The following MSN variants were observed in gnomAD, a reference collection of about 807,000 sequenced individuals.
MSN encodes the protein moesin.
MSN carries 2 observed loss-of-function variants against 48.0 expected under a neutral mutation model. The ratio of observed to expected loss-of-function variants is 0.04; its 90% CI spans 0.02 to 0.13. The LOEUF (loss-of-function observed/expected upper bound fraction) is 0.13. MSN is among the 10% of genes least tolerant of loss of function. The pLI is 1.00. For missense variants in MSN, 267 were observed against 470.1 expected, an observed-to-expected ratio of 0.57 and a Z score of 3.99; for synonymous variants, 146 against 166.9, an observed-to-expected ratio of 0.87 and a Z score of 0.97.
At chrX:65,629,394 C>G (rs1437313394) in intron 1 of MSN, among the ~76,000 whole-genome samples, 1 of 112,129 alleles carries the variant, frequency 8.9e-6, no homozygotes, top group Non-Finnish European at 1.9e-5. Flanking sequence ...ATTTTCCTGT[C>G]TTCTTCTGAG....
chrX:65,636,776 C>CAAAAAAAAAAAA (rs2070604946), intron 1 of MSN, among the ~76,000 whole-genome samples: 8 of 82,891 alleles, frequency 9.7e-5, no homozygotes, highest in African/African-American at 3.6e-4. Flanking sequence ...AAAAAAAAAC[C>CAAAAAAAAAAAA]AGAAAGAAAG....
intron 1 of MSN, among the ~76,000 whole-genome samples, chrX:65,676,837 T>G (rs1266404182): frequency 9.0e-6 from 1 of 110,629 alleles, no homozygotes; most frequent in Non-Finnish European, 1.9e-5. Context: ...CTTTTCTTTT[T>G]TTTTTGAGAC....
intron 1 of MSN, among the ~76,000 whole-genome samples, chrX:65,653,843 G>A (rs1183302733): frequency 1.9e-5 from 2 of 106,996 alleles, no homozygotes; most frequent in Admixed American, 1.0e-4. Context: ...GCGCGACCTC[G>A]GCTGACTGCA....
chrX:65,604,472 G>A (rs1446523435), intron 1 of MSN, among the ~76,000 whole-genome samples: 3 of 112,095 alleles, frequency 2.7e-5, no homozygotes, highest in Non-Finnish European at 3.8e-5. Context: ...ATAGAGGTTA[G>A]GAAACACTAT....
At chrX:65,680,819 G>T (rs755117941) in intron 1 of MSN, among the ~76,000 whole-genome samples, 18 of 111,271 alleles carry the variant, frequency 1.6e-4, no homozygotes, top group Non-Finnish European at 3.4e-4. Flanking sequence ...TCCAATCTTG[G>T]CTCACTGCAA....
chrX:65,640,165 T>TA (rs2070637805), intron 1 of MSN, among the ~76,000 whole-genome samples: 1 of 111,974 alleles, frequency 8.9e-6, no homozygotes, highest in African/African-American at 3.2e-5. Flanking sequence ...TTAAACTTGA[T>TA]ACACTTTCCA....
intron 1 of MSN, among the ~76,000 whole-genome samples, chrX:65,604,633 C>T (rs747585698): frequency 2.7e-5 from 3 of 111,987 alleles, no homozygotes; most frequent in South Asian, 3.7e-4. Context: ...CAAATCTGCT[C>T]TTCTCTAGTG....
chrX:65,699,686 T>C (rs1050917382), intron 1 of MSN, among the ~76,000 whole-genome samples: 1 of 104,313 alleles, frequency 9.6e-6, no homozygotes, highest in African/African-American at 3.6e-5. Flanking sequence ...GAGGCGGAGC[T>C]TGCAGTGAGC....
At chrX:65,681,364 C>T (rs775455890) in intron 1 of MSN, among the ~76,000 whole-genome samples, 1 of 111,875 alleles carries the variant, frequency 8.9e-6, no homozygotes, top group Non-Finnish European at 1.9e-5. Context: ...AAGAAGGGGC[C>T]ATTCTCCAGG....
chrX:65,720,511 G>T (rs2071506460), intron 2 of MSN, among the ~76,000 whole-genome samples: 1 of 112,332 alleles, frequency 8.9e-6, no homozygotes, highest in Non-Finnish European at 1.9e-5. Flanking sequence ...GCCAAGGCAG[G>T]TCAGGTCAGG....
Position 65,644,712 on chromosome X carries a change from G to A in MSN, c.-22+56100G>A, listed in dbSNP as rs761094198. On this transcript the variant is annotated intron_variant, in intron 1 of 3. Coordinates refer to the MSN transcript ENST00000609672. ...AAGTAATAGTTCTCCTGGTAAGTGG[G>A]GGAAGCCATTAGGGGAATGACATTC... 6.3e-5 allele frequency among the ~76,000 whole-genome samples: 7 copies of A among 111,453 alleles called. No individual in the cohort carries two copies. In the East Asian group the frequency reaches 2.0e-3, roughly 32 times the overall value.
chrX:65,617,919 T>G (rs1166165827), intron 1 of MSN, among the ~76,000 whole-genome samples: 1 of 109,355 alleles, frequency 9.1e-6, no homozygotes, highest in Non-Finnish European at 1.9e-5. Flanking sequence ...TTTGTTCTCG[T>G]TGGTTTCAAA....
At chrX:65,638,786 T>C (rs931753459) in intron 1 of MSN, among the ~76,000 whole-genome samples, 2 of 112,253 alleles carry the variant, frequency 1.8e-5, no homozygotes, top group Admixed American at 1.9e-4. Flanking sequence ...ACTCCTGACC[T>C]CAAGTGATCC....
intron 1 of MSN, among the ~76,000 whole-genome samples, chrX:65,599,377 A>G (rs1355626439): frequency 8.9e-6 from 1 of 112,546 alleles, no homozygotes; most frequent in Non-Finnish European, 1.9e-5. Context: ...GCTCACGCCC[A>G]TAATCCCAGC....
intron 3 of MSN, among the ~76,000 whole-genome samples, chrX:65,728,692 T>C (rs2071592892): frequency 8.9e-6 from 1 of 111,763 alleles, no homozygotes; most frequent in African/African-American, 3.2e-5. Flanking sequence ...AGTCAACTAA[T>C]GTCTGAACCC....
chrX:65,601,863 G>C (rs764208006), intron 1 of MSN, among the ~76,000 whole-genome samples: 6 of 112,045 alleles, frequency 5.4e-5, no homozygotes, highest in African/African-American at 1.9e-4. Flanking sequence ...GGGACTCATT[G>C]CCCAGGCCAG....
chrX:65,691,239 A>G (rs1015351626), intron 1 of MSN, among the ~76,000 whole-genome samples: 3 of 111,335 alleles, frequency 2.7e-5, no homozygotes, highest in African/African-American at 9.8e-5. Flanking sequence ...AATACCCCAC[A>G]CTTTGCAGGG....
chrX:65,708,280 A>G (rs2071381534), intron 1 of MSN, among the ~76,000 whole-genome samples: 1 of 112,101 alleles, frequency 8.9e-6, no homozygotes, highest in South Asian at 3.7e-4. Flanking sequence ...TAGCATACTC[A>G]CCATCTCAAA....
intron 1 of MSN, among the ~76,000 whole-genome samples, chrX:65,678,023 G>A (rs1602782637): frequency 9.0e-6 from 1 of 111,362 alleles, no homozygotes; most frequent in Non-Finnish European, 1.9e-5. Flanking sequence ...AAGGTTGGGA[G>A]TTTTTTTCCT....
Sources: gnomAD v4.1 joint callset for allele counts (sites outside exome capture counted in the v4.1 genomes callset) on GRCh38, gnomAD v4.1.1 for gene constraint, MANE v1.5 for transcripts, NCBI Gene and HGNC (gene_info 2026-07-23, HGNC 2026-07-21) for gene names.